ZNRF2: variants seen among roughly 807,000 people sequenced by gnomAD.
ZNRF2 encodes the protein E3 ubiquitin-protein ligase ZNRF2.
Under a neutral mutation model 20.4 loss-of-function variants are expected in ZNRF2, and 16 were observed. The ratio of observed to expected loss-of-function variants is 0.79; its 90% CI spans 0.53 to 1.19. The LOEUF is 1.19. Ranked by LOEUF, ZNRF2 falls within the 50% of genes most tolerant of loss-of-function variation. The pLI is 0.00. For missense variants in ZNRF2, 363 were observed against 332.4 expected (o/e 1.09, Z -0.72); for synonymous variants, 178 against 144.9 (o/e 1.23, Z -1.64).
At chr7:30,295,479 C>T (rs1440101906) in intron 1 of ZNRF2, among the ~76,000 whole-genome samples, 2 of 152,108 alleles carry the variant, frequency 1.3e-5, no homozygotes, top group Admixed American at 6.5e-5. Flanking sequence ...GGGAGACGGA[C>T]GGGGGCGATC....
intron 2 of ZNRF2, among the ~76,000 whole-genome samples, chr7:30,337,173 T>G (rs1195884830): frequency 6.6e-6 from 1 of 152,212 alleles, no homozygotes; most frequent in Non-Finnish European, 1.5e-5. Flanking sequence ...CACAGATATT[T>G]ATGACTTATG....
At chr7:30,352,726 C>G (rs753339019) in intron 2 of ZNRF2, among the ~76,000 whole-genome samples, 1 of 151,962 alleles carries the variant, frequency 6.6e-6, no homozygotes, top group African/African-American at 2.4e-5. Context: ...AGTAGTCTAC[C>G]CCAAGATATT....
chr7:30,310,316 A>G (rs1323615833), intron 1 of ZNRF2, among the ~76,000 whole-genome samples: 2 of 152,212 alleles, frequency 1.3e-5, no homozygotes, highest in Non-Finnish European at 2.9e-5. Context: ...GTCATAACGA[A>G]ACTTTTTCAG....
intron 1 of ZNRF2, among the ~76,000 whole-genome samples, chr7:30,320,375 A>T (rs1799450392): frequency 6.6e-6 from 1 of 152,222 alleles, no homozygotes; most frequent in Admixed American, 6.5e-5. Context: ...TTAGAAATGG[A>T]CAGGCTGTGG....
intron 1 of ZNRF2, among the ~76,000 whole-genome samples, chr7:30,300,216 T>G (rs993253528): frequency 6.6e-6 from 1 of 150,376 alleles, no homozygotes; most frequent in African/African-American, 2.5e-5. Flanking sequence ...TGGCACAATC[T>G]TGGCTCACTG....
In ZNRF2 at chr7:30,285,177, C is replaced by A; in HGVS notation, c.-181C>A. 1 of 436,304 alleles carries A rather than the reference C, an allele frequency of 2.3e-6. No homozygotes were observed. 27.0% of individuals were successfully genotyped at this position (436,304 alleles called of 1,614,324 possible). A position where few individuals can be genotyped will look rare whatever the true frequency, so the allele number is the denominator to read the frequency against. On this transcript the variant is annotated 5_prime_UTR_variant, in exon 1 of 5. Transcript: ENST00000323037. ...TCAGGCCGTCGGCCTCGCCCGCCGC[C>A]CCAAGAAGAGCGCGCCGGGCGCCGA...
chr7:30,296,636 C>T (rs1799024368), intron 1 of ZNRF2, among the ~76,000 whole-genome samples: 1 of 152,212 alleles, frequency 6.6e-6, no homozygotes, highest in Non-Finnish European at 1.5e-5. Flanking sequence ...TCTTCAAAAA[C>T]AGCATATCTG....
chr7:30,322,263 CTGGAGGATT>C (rs1157356701), intron 1 of ZNRF2, among the ~76,000 whole-genome samples: 9 of 152,062 alleles, frequency 5.9e-5, no homozygotes, highest in Non-Finnish European at 1.3e-4. Flanking sequence ...AATTGAATAC[CTGGAGGATT>C]AGCTGTGCCA....
chr7:30,307,993 C>T (rs187774042), intron 1 of ZNRF2, among the ~76,000 whole-genome samples: 1 of 152,238 alleles, frequency 6.6e-6, no homozygotes, highest in East Asian at 1.9e-4. Context: ...CATCCATGTG[C>T]AGTAGAACAG....
intron 1 of ZNRF2, among the ~76,000 whole-genome samples, chr7:30,290,408 A>G (rs753240327): frequency 2.6e-5 from 4 of 152,230 alleles, no homozygotes; most frequent in Non-Finnish European, 4.4e-5. Flanking sequence ...GACTGCAGTC[A>G]AAGTGTAGGT....
intron 1 of ZNRF2, among the ~76,000 whole-genome samples, chr7:30,299,973 CG>C (rs1207542008): frequency 1.3e-5 from 2 of 151,300 alleles, no homozygotes; most frequent in African/African-American, 4.8e-5. Context: ...TTAATAGAGA[CG>C]GGGTTTTCAC....
Position 30,285,452 on chromosome 7 carries a change from A to G in ZNRF2, c.95A>G (p.Asn32Ser), listed in dbSNP as rs780405670. ...DLPSSSSGGA[N>S]GTAGGGGGAR... ...CCTTCCAGTAGCAGCGGAGGCGCCA[A>G]TGGGACCGCGGGCGGCGGCGGGGGC... is the stretch of plus-strand genomic sequence containing the variant. The change falls in exon 1 of 5, where the codon AAT becomes AGT. Residue 32 changes from asparagine (N) to serine (S), a missense_variant. Around this residue, in one of 2 missense-constraint regions of ZNRF2, gnomAD observed 302 missense variants for 231.5 expected, o/e 1.30. Transcript: ENST00000323037. 4.5e-5 allele frequency: 52 copies of G among 1,155,804 alleles called. No homozygotes were observed. The highest frequency in any genetic ancestry group is 1.2e-4 in the East Asian group (2 of 16,342). The allele number at this position is 1,155,804 out of a possible 1,614,324, so 71.6% of individuals were successfully genotyped here. A position where few individuals can be genotyped will look rare whatever the true frequency, so the allele number is the denominator to read the frequency against.
chr7:30,317,954 C>G (rs190728573), intron 1 of ZNRF2, among the ~76,000 whole-genome samples: 1 of 152,308 alleles, frequency 6.6e-6, no homozygotes, highest in East Asian at 1.9e-4. Context: ...GTCACTGATT[C>G]ATTCCATTGT....
chr7:30,345,215 CCTCT>C (rs1316537475), intron 2 of ZNRF2, among the ~76,000 whole-genome samples: 1 of 151,648 alleles, frequency 6.6e-6, no homozygotes, highest in Admixed American at 6.6e-5. Context: ...CATTTTTTTC[CCTCT>C]AATTCTTAAC....
In ZNRF2 at chr7:30,285,830, C is replaced by T. The variant is rs1261029372; in HGVS notation, c.469+4C>T. ...CTCTCGCCGCACATGTTTGGAGGTA[C>T]GGACCCCTCTCCGCGCACCCGCGCT... On this transcript the variant is annotated splice_donor_region_variant and intron_variant, in intron 1 of 4. Coordinates refer to ENST00000323037, the MANE Select transcript of ZNRF2 (RefSeq NM_147128.4). 8.7e-6 allele frequency: 13 copies of T among 1,502,578 alleles called. No individual in the cohort carries two copies. Among genetic ancestry groups the T allele is most frequent in the South Asian group, 3.9e-5 (3 of 76,396 alleles). The allele number at this position is 1,502,578 out of a possible 1,614,324, so 93.1% of individuals were successfully genotyped here.
chr7:30,358,233 A>G (rs1272421427), intron 3 of ZNRF2, among the ~76,000 whole-genome samples: 1 of 152,240 alleles, frequency 6.6e-6, no homozygotes, highest in East Asian at 1.9e-4. Flanking sequence ...CAGATATGAG[A>G]TCAACCTATG....
At chr7:30,290,013 T>A (rs935951068) in intron 1 of ZNRF2, 1 of 436,046 alleles carries the variant, frequency 2.3e-6, no homozygotes, top group African/African-American at 2.1e-5. Context: ...TTAAGGAGAA[T>A]TGCCCTAATA....
chr7:30,322,333 C>T (rs1036714088), intron 1 of ZNRF2, among the ~76,000 whole-genome samples: 33 of 152,178 alleles, frequency 2.2e-4, no homozygotes, highest in African/African-American at 7.7e-4. Context: ...TAATTCTAGC[C>T]TCACTCATTT....
chr7:30,321,294 G>A (rs1043589078), intron 1 of ZNRF2, among the ~76,000 whole-genome samples: 1 of 152,042 alleles, frequency 6.6e-6, no homozygotes, highest in African/African-American at 2.4e-5. Flanking sequence ...GGAAGTCATG[G>A]AGCTCCAGAT....
Sources: allele counts gnomAD v4.1 joint callset (sites outside exome capture counted in the v4.1 genomes callset), GRCh38; gene constraint gnomAD v4.1.1; regional missense constraint gnomAD v4.1.1; transcripts MANE v1.5; gene names NCBI Gene and HGNC (gene_info 2026-07-23, HGNC 2026-07-21).